The following EEF1AKMT1 variants were observed in gnomAD, a reference collection of about 807,000 sequenced individuals.
EEF1AKMT1 encodes EEF1A lysine methyltransferase 1.
EEF1AKMT1 carries 18 observed loss-of-function variants against 21.0 expected under a neutral mutation model. The observed-to-expected ratio is 0.86, with a 90% confidence interval of 0.59 to 1.27. EEF1AKMT1 has a LOEUF of 1.27. EEF1AKMT1 is among the 50% of genes most tolerant of loss of function. EEF1AKMT1 has a pLI of 0.00. For missense variants in EEF1AKMT1, 246 were observed against 258.6 expected (o/e 0.95, Z 0.33); for synonymous variants, 109 against 94.8 (o/e 1.15, Z -0.87).
At chr13:20,738,482 G>A (rs1343969184) in intron 2 of EEF1AKMT1, among the ~76,000 whole-genome samples, 1 of 152,202 alleles carries the variant, frequency 6.6e-6, no homozygotes, top group Non-Finnish European at 1.5e-5. Context: ...TTCTCCAACA[G>A]GCCTCTCTTC....
intron 2 of EEF1AKMT1, among the ~76,000 whole-genome samples, chr13:20,756,592 C>T (rs2058973208): frequency 6.6e-6 from 1 of 152,166 alleles, no homozygotes; most frequent in African/African-American, 2.4e-5. Context: ...TTGACAGAGG[C>T]AGACAAATGC....
chr13:20,772,074 A>G (rs2059065633), intron 1 of EEF1AKMT1, among the ~76,000 whole-genome samples: 2 of 152,016 alleles, frequency 1.3e-5, no homozygotes, highest in Admixed American at 6.6e-5. Context: ...CTATTTTATC[A>G]TATCTTTATT....
At chr13:20,769,197 T>C (rs770626129) in intron 1 of EEF1AKMT1, 3 of 152,202 alleles carry the variant, frequency 2.0e-5, no homozygotes, top group African/African-American at 7.2e-5. Context: ...ATATGTCAAA[T>C]AGGCAAACAC....
chr13:20,737,859 TTTTAA>T, intron 2 of EEF1AKMT1, 54 bp from the exon 3 acceptor site: 2 of 1,298,732 alleles, frequency 1.5e-6, no homozygotes, highest in Non-Finnish European at 2.2e-6. Context: ...AGCTTTGTTC[TTTTAA>T]TTTATATATA....
intron 2 of EEF1AKMT1, among the ~76,000 whole-genome samples, chr13:20,753,776 T>C (rs949269849): frequency 3.9e-5 from 6 of 152,186 alleles, no homozygotes; most frequent in Non-Finnish European, 8.8e-5. Flanking sequence ...ATATCTTTTT[T>C]TTTCCATCCC....
intron 1 of EEF1AKMT1, among the ~76,000 whole-genome samples, chr13:20,765,088 C>T (rs563003049): frequency 7.2e-5 from 11 of 151,954 alleles, no homozygotes; most frequent in African/African-American, 2.2e-4. Context: ...AACGAAACCC[C>T]GTCTCTACTA....
At chr13:20,763,318 A>T (rs2059010561) in intron 1 of EEF1AKMT1, among the ~76,000 whole-genome samples, 1 of 152,142 alleles carries the variant, frequency 6.6e-6, no homozygotes, top group Non-Finnish European at 1.5e-5. Context: ...TTATATGTTA[A>T]AGCCTTAACC....
At chr13:20,736,733 CTTTTT>C (rs71087090) in intron 3 of EEF1AKMT1, among the ~76,000 whole-genome samples, 4 of 87,068 alleles carry the variant, frequency 4.6e-5, no homozygotes, top group African/African-American at 9.2e-5. Context: ...AACCATTTGA[CTTTTT>C]TTTTTTTTTT....
intron 1 of EEF1AKMT1, among the ~76,000 whole-genome samples, chr13:20,764,760 G>C (rs1248572063): frequency 6.6e-6 from 1 of 151,824 alleles, no homozygotes; most frequent in Non-Finnish European, 1.5e-5. Context: ...ATGTAATTCT[G>C]TTGTTGTTCC....
intron 2 of EEF1AKMT1, among the ~76,000 whole-genome samples, chr13:20,749,396 A>T (rs2058928881): frequency 6.6e-6 from 1 of 152,182 alleles, no homozygotes; most frequent in Non-Finnish European, 1.5e-5. Context: ...TCATCCTGGG[A>T]ATTCCCTCTC....
chr13:20,759,305 C>T (rs375953724), intron 1 of EEF1AKMT1, among the ~76,000 whole-genome samples: 8 of 152,164 alleles, frequency 5.3e-5, no homozygotes, highest in East Asian at 1.9e-4. Context: ...ATCGGCCGGG[C>T]GCCGTGGCTC....
At position 20,733,094 on chromosome 13, in the gene EEF1AKMT1, CT is replaced by C. The variant is rs56061412; in HGVS notation, c.228-974del. ...GAATTATTGAGTTGACTGTGATACA[CT>C]TTTTTTTTTTTTTTTTTTGAGACAG... On this transcript the variant is annotated intron_variant, in intron 3 of 4. Coordinates refer to ENST00000382758, the MANE Select transcript of EEF1AKMT1 (RefSeq NM_001318939.2). Among the ~76,000 whole-genome samples the C allele has an allele frequency of 3.0e-3, 377 of 126,502 alleles. 2 individuals carry two copies. In the South Asian group the frequency reaches 0.033, roughly 11 times the overall value. The allele number at this position is 126,502 out of a possible 152,430, so 83.0% of individuals were successfully genotyped here.
chr13:20,767,614 AC>A (rs1379130852), intron 1 of EEF1AKMT1, among the ~76,000 whole-genome samples: 1 of 151,518 alleles, frequency 6.6e-6, no homozygotes, highest in African/African-American at 2.4e-5. Context: ...TCTCTTTATT[AC>A]TGGTTTTGGG....
intron 3 of EEF1AKMT1, among the ~76,000 whole-genome samples, chr13:20,735,246 C>G (rs2058820065): frequency 6.6e-6 from 1 of 152,074 alleles, no homozygotes; most frequent in African/African-American, 2.4e-5. Flanking sequence ...GAAGGTGGGG[C>G]CAAAACTGGG....
At chr13:20,753,244 A>G (rs111829937) in intron 2 of EEF1AKMT1, among the ~76,000 whole-genome samples, 1 of 152,184 alleles carries the variant, frequency 6.6e-6, no homozygotes, top group African/African-American at 2.4e-5. Flanking sequence ...TTTAGTTTCC[A>G]AAGTTTCTCC....
At chr13:20,767,305 C>CAAAAA (rs61703956) in intron 1 of EEF1AKMT1, among the ~76,000 whole-genome samples, 2 of 40,342 alleles carry the variant, frequency 5.0e-5, no homozygotes, top group Admixed American at 2.9e-4. Context: ...GATTCTGTCT[C>CAAAAA]AAAAAAAAAA....
rs578250314 is a variant in EEF1AKMT1, at chr13:20,760,067, T to C, written c.-19-2450A>G. 5.5e-4 allele frequency among the ~76,000 whole-genome samples: 67 copies of C among 121,740 alleles called. 1 individual carries two copies. The highest frequency in any genetic ancestry group is 5.9e-4 in the Non-Finnish European group (37 of 63,070). 79.9% of individuals were successfully genotyped at this position (121,740 alleles called of 152,430 possible). A position where few individuals can be genotyped will look rare whatever the true frequency, so the allele number is the denominator to read the frequency against. Reference sequence around the variant, plus strand: ...TTGCAGTGAGCTGAGATTGCGCCACTGCACCCCAGCCTGGGGAACAGAGCG... The same window carrying C: ...TTGCAGTGAGCTGAGATTGCGCCACCGCACCCCAGCCTGGGGAACAGAGCG... On this transcript the variant is annotated intron_variant, in intron 1 of 4. Transcript: ENST00000382758.
At chr13:20,772,048 A>G (rs2141444428) in intron 1 of EEF1AKMT1, among the ~76,000 whole-genome samples, 1 of 152,258 alleles carries the variant, frequency 6.6e-6, no homozygotes, top group East Asian at 1.9e-4. Flanking sequence ...CCTATTTTTA[A>G]CTATTTTTTA....
intron 2 of EEF1AKMT1, among the ~76,000 whole-genome samples, chr13:20,752,917 T>A (rs966046739): frequency 6.6e-6 from 1 of 152,144 alleles, no homozygotes; most frequent in Non-Finnish European, 1.5e-5. Context: ...CCATTGAATA[T>A]TTTTTATTCT....
Sources: gnomAD v4.1 joint callset for allele counts (sites outside exome capture counted in the v4.1 genomes callset) on GRCh38, gnomAD v4.1.1 for gene constraint, MANE v1.5 for transcripts, NCBI Gene and HGNC (gene_info 2026-07-23, HGNC 2026-07-21) for gene names.